METTL16: variants seen among roughly 807,000 people sequenced by gnomAD.
The protein encoded by METTL16 is methyltransferase 16, RNA N6-adenosine.
Under a neutral mutation model 57.9 loss-of-function variants are expected in METTL16, and 19 were observed. That is an observed-to-expected ratio of 0.33 (90% CI 0.23 to 0.48). The LOEUF is 0.48. Among genes scored for constraint, METTL16 ranks in the 20% least tolerant of loss-of-function variants. The pLI is 0.99. For synonymous variants in METTL16, 246 were observed against 255.6 expected (o/e 0.96, Z 0.36); for missense variants, 434 against 691.5 (o/e 0.63, Z 4.18).
chr17:2,487,003 C>CGAA (rs777261459), intron 2 of METTL16, among the ~76,000 whole-genome samples: 10 of 57,404 alleles, frequency 1.7e-4, no homozygotes, highest in Non-Finnish European at 2.3e-4. Context: ...GATCCTGTCT[C>CGAA]AAAAAAAAAA....
At chr17:2,467,600 G>T (rs927093160) in intron 5 of METTL16, among the ~76,000 whole-genome samples, 161 bp downstream of exon 5, 13 of 152,042 alleles carry the variant, frequency 8.6e-5, no homozygotes, top group Admixed American at 7.9e-4. Context: ...TAATTTTTTT[G>T]TATCTTTAGT....
chr17:2,460,673 G>T (rs527380169), intron 6 of METTL16, among the ~76,000 whole-genome samples: 1 of 152,062 alleles, frequency 6.6e-6, no homozygotes. Context: ...ATCACCTGAG[G>T]TCGGGAGTTC....
chr17:2,499,018 A>G (rs2067467255), intron 2 of METTL16, among the ~76,000 whole-genome samples: 1 of 151,562 alleles, frequency 6.6e-6, no homozygotes, highest in Admixed American at 6.6e-5. Context: ...TCATTCCTTA[A>G]AACACAACCA....
At chr17:2,460,609 G>C (rs1192444492) in intron 6 of METTL16, among the ~76,000 whole-genome samples, 1 of 152,156 alleles carries the variant, frequency 6.6e-6, no homozygotes, top group Non-Finnish European at 1.5e-5. Context: ...ATGAGGGTTG[G>C]GCGCGGTGGC....
intron 2 of METTL16, among the ~76,000 whole-genome samples, chr17:2,486,482 A>C (rs2067342100): frequency 6.6e-6 from 1 of 152,096 alleles, no homozygotes; most frequent in South Asian, 2.1e-4. Context: ...CGTGTCAGGC[A>C]GGATGGTCTC....
chr17:2,441,187 A>C (rs2066948789), intron 7 of METTL16, among the ~76,000 whole-genome samples: 2 of 152,152 alleles, frequency 1.3e-5, no homozygotes, highest in Admixed American at 1.3e-4. Flanking sequence ...ATCTTAAGTG[A>C]AACAACTGAG....
chr17:2,485,910 A>G (rs943866611), intron 2 of METTL16, among the ~76,000 whole-genome samples: 1 of 152,198 alleles, frequency 6.6e-6, no homozygotes, highest in African/African-American at 2.4e-5. Context: ...CTGCCTTAGG[A>G]AGGTCAGAGG....
intron 8 of METTL16, among the ~76,000 whole-genome samples, chr17:2,422,308 C>T (rs2066772086): frequency 6.8e-6 from 1 of 147,720 alleles, no homozygotes; most frequent in African/African-American, 2.6e-5. Context: ...CAGTCTGGGC[C>T]TGGGCAACAA....
chr17:2,447,348 C>A (rs1468266720), intron 6 of METTL16, among the ~76,000 whole-genome samples: 1 of 137,436 alleles, frequency 7.3e-6, no homozygotes, highest in Non-Finnish European at 1.5e-5. Flanking sequence ...GCCTGGCAAC[C>A]GCCCCGTCTG....
chr17:2,476,850 G>A (rs1251515024), intron 3 of METTL16, among the ~76,000 whole-genome samples: 1 of 152,106 alleles, frequency 6.6e-6, no homozygotes, highest in Non-Finnish European at 1.5e-5. Context: ...CAGCTACTTG[G>A]GAGGCTGAGG....
In METTL16 at chr17:2,421,023, A is replaced by C; in HGVS notation, c.889-119T>G. The C allele has an allele frequency of 4.4e-6, 5 of 1,126,888 alleles. No individual in the cohort carries two copies. The Admixed American group carries it at 9.0e-5, about 20-fold the overall frequency. 69.8% of individuals were successfully genotyped at this position (1,126,888 alleles called of 1,614,324 possible). A position where few individuals can be genotyped will look rare whatever the true frequency, so the allele number is the denominator to read the frequency against. ...TTCTGCTACCAATCATAGAGCACTG[A>C]AAACACAAAGGGTTTTGTGTGTGTT... On this transcript the variant is annotated intron_variant, in intron 8 of 9. Transcript: ENST00000263092.
intron 2 of METTL16, among the ~76,000 whole-genome samples, chr17:2,478,134 G>A (rs1167730790): frequency 2.6e-5 from 4 of 152,076 alleles, no homozygotes; most frequent in East Asian, 3.9e-4. Flanking sequence ...TAAATGACTC[G>A]GCTCAAATTC....
chr17:2,467,641 T>C (rs2151565291), intron 5 of METTL16, 120 bp downstream of exon 5: 2 of 667,156 alleles, frequency 3.0e-6, no homozygotes, highest in Non-Finnish European at 5.4e-6. Flanking sequence ...TTGGCCAGGC[T>C]GGTCTCAAAC....
chr17:2,506,979 C>T (rs905620150), intron 1 of METTL16, among the ~76,000 whole-genome samples: 11 of 119,628 alleles, frequency 9.2e-5, no homozygotes, highest in South Asian at 3.0e-4. Context: ...GCAACCGCCC[C>T]GTCGGAGAAG....
intron 2 of METTL16, among the ~76,000 whole-genome samples, chr17:2,482,391 G>C (rs943069200): frequency 2.0e-5 from 3 of 152,164 alleles, no homozygotes; most frequent in African/African-American, 7.2e-5. Flanking sequence ...CTGGCACTGA[G>C]CAGTTAAGCC....
chr17:2,444,768 C>A (rs930787486), intron 6 of METTL16, among the ~76,000 whole-genome samples: 3 of 149,362 alleles, frequency 2.0e-5, no homozygotes, highest in African/African-American at 7.4e-5. Flanking sequence ...GGCTGCAGTG[C>A]AGTGGCGTGA....
In METTL16 at chr17:2,419,651, C is replaced by G. The variant is rs1325043760; in HGVS notation, c.*319G>C. The stretch of plus-strand genomic sequence containing the variant: ...GCCCAGCCCAGACTCCACAAACAAC[C>G]CTTCTGACCTTGCAGAGGCAGTCCA... On this transcript the variant is annotated 3_prime_UTR_variant, in exon 10 of 10. Transcript: ENST00000263092. 5.5e-6 allele frequency: 3 copies of G among 543,190 alleles called. No homozygotes were observed. The highest frequency in any genetic ancestry group is 2.8e-4 in the Middle Eastern group (1 of 3,554). 33.6% of individuals were successfully genotyped at this position (543,190 alleles called of 1,614,324 possible).
chr17:2,429,564 T>C (rs1442678215), intron 8 of METTL16, among the ~76,000 whole-genome samples: 1 of 151,488 alleles, frequency 6.6e-6, no homozygotes, highest in East Asian at 1.9e-4. Context: ...AGAAGTTTCC[T>C]TTCATAGAAG....
Position 2,420,512 on chromosome 17 carries a change from T to C in METTL16, c.1147A>G (p.Arg383Gly). ...TGTCTCACACGCTCTCTTTTCTTTC[T>C]CCTTAAATGAATCCAGGAGTTTTCT... ...AIENSWIHLR[R>G]KKRERVRQLR... Residue 383 changes from arginine to glycine, a missense_variant, in exon 10 of 10, where the codon AGA becomes GGA. Transcript: ENST00000263092. This position sits in a 1 kb window ranked among gnomAD's most constrained non-coding sequence, Gnocchi z 5.4. 2 of 1,614,010 alleles carry C rather than the reference T, an allele frequency of 1.2e-6. No individual in the cohort carries two copies. The highest frequency in any genetic ancestry group is 1.7e-6 in the Non-Finnish European group (2 of 1,180,032).
Sources: allele counts gnomAD v4.1 joint callset (sites outside exome capture counted in the v4.1 genomes callset), GRCh38; gene constraint gnomAD v4.1.1; non-coding constraint Gnocchi (gnomAD v3.1); transcripts MANE v1.5; gene names NCBI Gene and HGNC (gene_info 2026-07-23, HGNC 2026-07-21).